The following RALGPS2 variants were observed in gnomAD, a reference collection of about 807,000 sequenced individuals.
RALGPS2 encodes ras-specific guanine nucleotide-releasing factor RalGPS2.
In RALGPS2, 43 loss-of-function variants were observed where a neutral mutation model predicts 86.8. That is an observed-to-expected ratio of 0.50 (90% confidence interval 0.39 to 0.64). The LOEUF is 0.64. Ranked by LOEUF, RALGPS2 falls within the 30% of genes least tolerant of loss-of-function variation. The pLI, the probability that RALGPS2 is intolerant of heterozygous loss-of-function variation, is 0.00. For missense variants in RALGPS2, 536 were observed against 694.6 expected, an observed-to-expected ratio of 0.77 and a Z score of 2.57; for synonymous variants, 243 against 231.3, an observed-to-expected ratio of 1.05 and a Z score of -0.46.
chr1:178,861,407 TACTA>T (rs1234786362), intron 8 of RALGPS2, among the ~76,000 whole-genome samples: 1 of 151,926 alleles, frequency 6.6e-6, no homozygotes, highest in Non-Finnish European at 1.5e-5. Context: ...ACTTTTGACA[TACTA>T]AATCCCTAAT....
chr1:178,761,584 A>G (rs77799686), intron 1 of RALGPS2, among the ~76,000 whole-genome samples: 2 of 151,906 alleles, frequency 1.3e-5, no homozygotes, highest in Non-Finnish European at 2.9e-5. Context: ...TTTTTTAGGC[A>G]GAGTCTCACT....
intron 9 of RALGPS2, 148 bp from the exon 10 acceptor site, chr1:178,878,752 TAA>T: frequency 9.4e-7 from 1 of 1,060,872 alleles, no homozygotes; most frequent in Non-Finnish European, 1.3e-6. Flanking sequence ...AGATTCACAT[TAA>T]AGTTTATCTC....
chr1:178,846,915 A>G (rs1656892967), intron 8 of RALGPS2, among the ~76,000 whole-genome samples: 1 of 152,232 alleles, frequency 6.6e-6, no homozygotes. Flanking sequence ...CTAATACATA[A>G]CAGCAGTTTT....
chr1:178,894,785 A>G (rs534863928), intron 16 of RALGPS2, among the ~76,000 whole-genome samples: 1 of 152,134 alleles, frequency 6.6e-6, no homozygotes, highest in South Asian at 2.1e-4. Context: ...TGCCATATAG[A>G]TTTCTGTTAA....
At chr1:178,853,058 T>C (rs1657290171) in intron 8 of RALGPS2, 1 of 1,472,338 alleles carries the variant, frequency 6.8e-7, no homozygotes, top group Non-Finnish European at 9.0e-7. Flanking sequence ...ACTGGCCATT[T>C]AAGTGGTAAT....
rs900805104 is a variant in RALGPS2 at position 178,917,231 on chromosome 1, T to G, written c.*872T>G. The G allele has an allele frequency of 1.3e-5, 2 of 152,150 alleles. No homozygotes were observed. Among genetic ancestry groups the G allele is most frequent in the South Asian group, 2.1e-4 (1 of 4,830 alleles). The allele number at this position is 152,150 out of a possible 1,614,324, so 9.4% of individuals were successfully genotyped here. A position where few individuals can be genotyped will look rare whatever the true frequency, so the allele number is the denominator to read the frequency against. On this transcript the variant is annotated 3_prime_UTR_variant, in exon 20 of 20. Coordinates refer to ENST00000367635, the MANE Select transcript of RALGPS2 (RefSeq NM_152663.5). ...AAGAGCTATAATCCCAACCTAAACTTTTCTGAGATTTTACAATAATTAGAT... is the reference window on the plus strand; with the variant it reads ...AAGAGCTATAATCCCAACCTAAACTGTTCTGAGATTTTACAATAATTAGAT...
Position 178,877,595 on chromosome 1 carries a change from C to A in RALGPS2, c.705C>A (p.Ile235=). ...AAAGATCAAATTTAATGAATAATATCCTTCGAATAATTTCTGATTTACAGC... is the reference window on the plus strand; with the variant it reads ...AAAGATCAAATTTAATGAATAATATACTTCGAATAATTTCTGATTTACAGC... The part of the protein sequence containing the change: ...NEQRSNLMNN[I]LRIISDLQQS... Residue 235 remains isoleucine, a synonymous_variant, in exon 9 of 20, where the codon ATC becomes ATA. Coordinates refer to ENST00000367635, the MANE Select transcript of RALGPS2 (RefSeq NM_152663.5). The A allele has an allele frequency of 6.2e-7, 1 of 1,613,392 alleles. No homozygotes were observed. Among genetic ancestry groups the A allele is most frequent in the South Asian group, 1.1e-5 (1 of 91,052 alleles).
intron 19 of RALGPS2, among the ~76,000 whole-genome samples, chr1:178,915,366 GC>G (rs1660773851): frequency 6.6e-6 from 1 of 152,108 alleles, no homozygotes; most frequent in Non-Finnish European, 1.5e-5. Context: ...CTCCTGAGTA[GC>G]TGGGATTACA....
chr1:178,913,035 A>G (rs1046826558), intron 19 of RALGPS2, among the ~76,000 whole-genome samples: 1 of 152,190 alleles, frequency 6.6e-6, no homozygotes, highest in Non-Finnish European at 1.5e-5. Flanking sequence ...TAATCCCAGC[A>G]CTTTGGGAGG....
chr1:178,768,269 A>G (rs1337765836), intron 1 of RALGPS2, among the ~76,000 whole-genome samples: 1 of 152,194 alleles, frequency 6.6e-6, no homozygotes, highest in Non-Finnish European at 1.5e-5. Context: ...TTCATGGTGC[A>G]GAATCCTTGT....
chr1:178,820,632 G>A (rs1390850380), intron 6 of RALGPS2, among the ~76,000 whole-genome samples: 1 of 152,020 alleles, frequency 6.6e-6, no homozygotes, highest in East Asian at 1.9e-4. Context: ...ATGCAAATTG[G>A]ATTTGTATTT....
intron 7 of RALGPS2, among the ~76,000 whole-genome samples, chr1:178,830,746 A>T (rs1169752405): frequency 6.6e-6 from 1 of 152,118 alleles, no homozygotes; most frequent in East Asian, 1.9e-4. Context: ...AATAATAATA[A>T]ATTTTGTCAT....
intron 4 of RALGPS2, among the ~76,000 whole-genome samples, chr1:178,806,014 G>T (rs1483354957): frequency 1.3e-5 from 2 of 151,610 alleles, no homozygotes; most frequent in African/African-American, 4.8e-5. Context: ...CTTGACTCTT[G>T]TTCTTAAAGG....
intron 8 of RALGPS2, among the ~76,000 whole-genome samples, chr1:178,843,515 AG>A (rs1656707183): frequency 1.2e-5 from 1 of 80,276 alleles, no homozygotes; most frequent in Non-Finnish European, 2.3e-5. Flanking sequence ...GGGTGGGGGG[AG>A]GGGGGAGGGA....
rs117206768 is a variant in RALGPS2 at position 178,819,436 on chromosome 1, C to T, written c.388-2176C>T. Reference sequence around the variant, plus strand: ...TGGGTAAGGATTACTTCTATCCTGCCCTTACGCTCAGGCAATGAGTCCTTC... The same window carrying T: ...TGGGTAAGGATTACTTCTATCCTGCTCTTACGCTCAGGCAATGAGTCCTTC... On this transcript the variant is annotated intron_variant, in intron 6 of 19. Transcript: ENST00000367635. 2.0e-5 allele frequency among the ~76,000 whole-genome samples: 3 copies of T among 152,214 alleles called. No homozygotes were observed. The East Asian group carries it at 5.8e-4, about 29-fold the overall frequency.
chr1:178,749,554 A>G (rs1422445027), intron 1 of RALGPS2, among the ~76,000 whole-genome samples: 1 of 152,188 alleles, frequency 6.6e-6, no homozygotes, highest in Non-Finnish European at 1.5e-5. Flanking sequence ...GGGAAGGACA[A>G]TGATTTGGAT....
chr1:178,754,358 G>T (rs1260443146), intron 1 of RALGPS2, among the ~76,000 whole-genome samples: 1 of 152,050 alleles, frequency 6.6e-6, no homozygotes, highest in East Asian at 1.9e-4. Flanking sequence ...TGGTAAGCTG[G>T]ATACCCAAAA....
intron 13 of RALGPS2, among the ~76,000 whole-genome samples, chr1:178,886,586 T>C: frequency 6.6e-6 from 1 of 152,142 alleles, no homozygotes; most frequent in African/African-American, 2.4e-5. Context: ...GGTTGTTGAA[T>C]ATGTGAATCT....
chr1:178,771,830 A>G (rs1206392666), intron 1 of RALGPS2, among the ~76,000 whole-genome samples: 5 of 152,212 alleles, frequency 3.3e-5, no homozygotes, highest in Non-Finnish European at 7.3e-5. Context: ...TTCATTTAGC[A>G]GTATATTATA....
Sources: allele counts gnomAD v4.1 joint callset (sites outside exome capture counted in the v4.1 genomes callset), GRCh38; gene constraint gnomAD v4.1.1; transcripts MANE v1.5; gene names NCBI Gene and HGNC (gene_info 2026-07-23, HGNC 2026-07-21).